DOCK1: variants seen among roughly 807,000 people sequenced by gnomAD.
DOCK1 encodes dedicator of cytokinesis 1, also known as dedicator of cytokinesis protein 1.
DOCK1 carries 138 observed loss-of-function variants against 262.7 expected under a neutral mutation model. That is an observed-to-expected ratio of 0.53 (90% CI 0.46 to 0.61). The LOEUF is 0.61. Among genes scored for constraint, DOCK1 ranks in the 20% least tolerant of loss-of-function variants. The pLI, the probability that DOCK1 is intolerant of heterozygous loss-of-function variation, is 0.00. For missense variants in DOCK1, 1,908 were observed against 2,370.7 expected (o/e 0.80, Z 4.05); for synonymous variants, 866 against 867.4 (o/e 1.00, Z 0.03).
intron 35 of DOCK1, among the ~76,000 whole-genome samples, chr10:127,374,574 G>A (rs945065404): frequency 6.6e-6 from 1 of 152,154 alleles, no homozygotes; most frequent in Admixed American, 6.5e-5. Flanking sequence ...TGGCCTCAAA[G>A]GTAGAGCAAT....
chr10:127,005,214 C>T (rs1260964799), intron 10 of DOCK1, among the ~76,000 whole-genome samples: 2 of 151,902 alleles, frequency 1.3e-5, no homozygotes, highest in Non-Finnish European at 1.5e-5. Context: ...GTCGTGGTGG[C>T]GCATGCTTGG....
chr10:127,300,151 G>A (rs1184242069), intron 29 of DOCK1, among the ~76,000 whole-genome samples: 2 of 152,126 alleles, frequency 1.3e-5, no homozygotes, highest in Admixed American at 1.3e-4. Context: ...AAGTTCCGCA[G>A]GCCAGCTGGC....
At chr10:127,226,177 G>A (rs1378636186) in intron 27 of DOCK1, among the ~76,000 whole-genome samples, 1 of 151,236 alleles carries the variant, frequency 6.6e-6, no homozygotes, top group African/African-American at 2.4e-5. Flanking sequence ...TTTTTTCTCT[G>A]TCATTTTGAG....
intron 16 of DOCK1, among the ~76,000 whole-genome samples, chr10:127,026,901 A>G (rs2042903595): frequency 6.6e-6 from 1 of 152,236 alleles, no homozygotes; most frequent in Non-Finnish European, 1.5e-5. Context: ...GGAGGAAAGA[A>G]CTGCTATTTG....
intron 29 of DOCK1, among the ~76,000 whole-genome samples, chr10:127,315,190 G>A (rs2062223317): frequency 6.6e-6 from 1 of 151,972 alleles, no homozygotes; most frequent in Non-Finnish European, 1.5e-5. Flanking sequence ...AGATGGTGGT[G>A]GTGTTAACAA....
At chr10:127,017,157 C>T (rs2135386338) in intron 12 of DOCK1, among the ~76,000 whole-genome samples, 1 of 89,308 alleles carries the variant, frequency 1.1e-5, no homozygotes, top group Admixed American at 1.3e-4. Flanking sequence ...ACAGACACCA[C>T]AAACACACAC....
intron 27 of DOCK1, among the ~76,000 whole-genome samples, chr10:127,242,450 G>A (rs1372904618): frequency 6.6e-6 from 1 of 152,024 alleles, no homozygotes; most frequent in Non-Finnish European, 1.5e-5. Flanking sequence ...TGCTCTGTTG[G>A]CCTTCTATCT....
chr10:127,373,797 T>G lies in DOCK1; in HGVS notation c.3449T>G (p.Ile1150Ser). ...TAATTATAGTTTGAAAATGAGATCATCACCAAGCTGGATCATGAAGTCGAA... is the reference window on the plus strand; with the variant it reads ...TAATTATAGTTTGAAAATGAGATCAGCACCAAGCTGGATCATGAAGTCGAA... Reference protein sequence around the residue: ...RSFQMFENEIITKLDHEVEGG... With the variant: ...RSFQMFENEISTKLDHEVEGG... Residue 1150 changes from isoleucine to serine, a missense_variant, in exon 34 of 52, where the codon ATC (isoleucine) becomes AGC (serine). Ile to Ser is a moderately radical substitution (Grantham distance 142). Around this residue, in one of 9 missense-constraint regions of DOCK1, gnomAD observed 518 missense variants for 575.1 expected, o/e 0.90. Transcript: ENST00000623213. The G allele has an allele frequency of 6.2e-7, 1 of 1,610,964 alleles. No individual in the cohort carries two copies. The highest frequency in any genetic ancestry group is 2.2e-5 in the East Asian group (1 of 44,844).
intron 21 of DOCK1, 66 bp from the exon 22 acceptor site, chr10:127,052,615 T>C (rs1238312525): frequency 8.7e-6 from 14 of 1,609,192 alleles, no homozygotes; most frequent in African/African-American, 5.3e-5. Context: ...TATATTTCCT[T>C]AGCAGTTAAG....
rs1591465601 is a variant in DOCK1 at position 126,963,631 on chromosome 10, TTCCCTTCCC to T, written c.47-7067_47-7059del. Among the ~76,000 whole-genome samples the T allele has an allele frequency of 2.6e-3, 107 of 41,502 alleles. 3 individuals carry two copies. The highest frequency in any genetic ancestry group is 8.8e-3 in the East Asian group (7 of 792). 27.2% of individuals were successfully genotyped at this position (41,502 alleles called of 152,430 possible). ...TTCCCTTCCCTTCCCTTCCCTTCCC[TTCCCTTCCC>T]TCCTTCCTTCCTTCCTTCCTTCCTT... On this transcript the variant is annotated intron_variant, in intron 1 of 51. Coordinates refer to ENST00000623213, the MANE Select transcript of DOCK1 (RefSeq NM_001290223.2).
chr10:127,163,920 C>T (rs1008300642), intron 27 of DOCK1, among the ~76,000 whole-genome samples: 4 of 151,044 alleles, frequency 2.6e-5, no homozygotes, highest in Admixed American at 6.6e-5. Context: ...TTATTGGCCT[C>T]GCAGCTCCCC....
chr10:127,270,218 G>A (rs747027601), intron 29 of DOCK1, among the ~76,000 whole-genome samples: 1 of 152,062 alleles, frequency 6.6e-6, no homozygotes, highest in Non-Finnish European at 1.5e-5. Context: ...AGCTAAGCAG[G>A]GACTTCCAAA....
intron 51 of DOCK1, among the ~76,000 whole-genome samples, chr10:127,448,728 C>G (rs28675047): frequency 6.6e-6 from 1 of 151,856 alleles, no homozygotes; most frequent in Non-Finnish European, 1.5e-5. Flanking sequence ...ATTATATGGC[C>G]GCAAAACTCC....
intron 1 of DOCK1, among the ~76,000 whole-genome samples, chr10:126,956,442 A>C (rs2036744921): frequency 6.6e-6 from 1 of 151,960 alleles, no homozygotes; most frequent in Non-Finnish European, 1.5e-5. Flanking sequence ...CAGCTGAGTG[A>C]GTGGGAGGAG....
At chr10:127,441,863 A>G (rs2070178416) in intron 49 of DOCK1, among the ~76,000 whole-genome samples, 1 of 152,124 alleles carries the variant, frequency 6.6e-6, no homozygotes, top group South Asian at 2.1e-4. Flanking sequence ...CTCTCCAGCC[A>G]GAGCCTCCAG....
At chr10:127,387,481 A>G (rs1047425841) in intron 38 of DOCK1, among the ~76,000 whole-genome samples, 3 of 152,224 alleles carry the variant, frequency 2.0e-5, no homozygotes, top group African/African-American at 7.2e-5. Flanking sequence ...GTCTCCCTGC[A>G]GTGCCCTGGG....
At chr10:127,105,527 G>A (rs566762148) in intron 23 of DOCK1, among the ~76,000 whole-genome samples, 10 of 152,182 alleles carry the variant, frequency 6.6e-5, no homozygotes, top group Non-Finnish European at 1.0e-4. Context: ...ATGTAGAAGA[G>A]TTGAAGTGAA....
chr10:127,374,021 G>A (rs374721607), intron 34 of DOCK1, 37 bp from the exon 35 acceptor site: 3 of 1,573,648 alleles, frequency 1.9e-6, no homozygotes, highest in East Asian at 4.5e-5. Flanking sequence ...TTCTTTTTCT[G>A]AGTGTGATTA....
intron 1 of DOCK1, among the ~76,000 whole-genome samples, chr10:126,951,852 A>AT (rs1184702030): frequency 0.25 from 35,829 of 142,456 alleles, 4,881 homozygotes; most frequent in African/African-American, 0.32. Flanking sequence ...CAGCCTCTTC[A>AT]TTTTTTTTTT....
Sources: gnomAD v4.1 joint callset for allele counts (sites outside exome capture counted in the v4.1 genomes callset) on GRCh38, gnomAD v4.1.1 for gene constraint, gnomAD v4.1.1 regional missense constraint, MANE v1.5 for transcripts, NCBI Gene and HGNC (gene_info 2026-07-23, HGNC 2026-07-21) for gene names.